Variants in PEAK1 observed in about 807,000 individuals in gnomAD.
PEAK1 encodes the protein inactive tyrosine-protein kinase PEAK1.
In PEAK1, 54 loss-of-function variants were observed where a neutral mutation model predicts 124.7. The observed-to-expected ratio is 0.43, with a 90% CI of 0.35 to 0.54. The LOEUF is 0.54. Ranked by LOEUF, PEAK1 falls within the 20% of genes least tolerant of loss-of-function variation. The pLI is 0.01. For missense variants in PEAK1, 2,046 were observed against 2,134.5 expected, an observed-to-expected ratio of 0.96 and a Z score of 0.82; for synonymous variants, 719 against 760.0, an observed-to-expected ratio of 0.95 and a Z score of 0.89.
Position 77,224,493 on chromosome 15 carries a change from G to A in PEAK1, c.-115+27874C>T, listed in dbSNP as rs147190635. ...GGGCTGATTTGTCTCTGACTTATCA[G>A]ATGGTTAAAGTCTGCCTTATTTGAG... On this transcript the variant is annotated intron_variant, in intron 6 of 9. Coordinates refer to ENST00000682557, the MANE Select transcript of PEAK1 (RefSeq NM_001385026.1). 4.2e-3 allele frequency among the ~76,000 whole-genome samples: 637 copies of A among 152,194 alleles called. 3 individuals are homozygous for A. The highest frequency in any genetic ancestry group is 0.014 in the African/African-American group (596 of 41,552).
chr15:77,354,102 C>T (rs2067358585), intron 2 of PEAK1, among the ~76,000 whole-genome samples: 1 of 152,140 alleles, frequency 6.6e-6, no homozygotes, highest in Non-Finnish European at 1.5e-5. Context: ...TTCAAGCCTC[C>T]ACCTCCCTCT....
chr15:77,328,849 C>T (rs2153028984), intron 2 of PEAK1, among the ~76,000 whole-genome samples: 1 of 152,250 alleles, frequency 6.6e-6, no homozygotes, highest in East Asian at 1.9e-4. Context: ...ACACATCCAT[C>T]CTGGATCACT....
chr15:77,144,106 C>G (rs886354794), intron 8 of PEAK1, among the ~76,000 whole-genome samples: 6 of 152,148 alleles, frequency 3.9e-5, no homozygotes, highest in Admixed American at 3.9e-4. Context: ...CTATCATCAT[C>G]AGCAGCTCTT....
In PEAK1 at chr15:77,114,640, T is replaced by C. The variant is rs1173654625; in HGVS notation, c.4757A>G (p.Gln1586Arg). The C allele has an allele frequency of 1.9e-6, 3 of 1,613,780 alleles. No individual in the cohort carries two copies. Among genetic ancestry groups the C allele is most frequent in the Non-Finnish European group, 2.5e-6 (3 of 1,179,958 alleles). Residue 1586 changes from glutamine (Q) to arginine (R), a missense_variant, in exon 10 of 10, where the codon CAG (glutamine) becomes CGG (arginine). Gln to Arg is a conservative substitution (Grantham distance 43). Coordinates refer to ENST00000682557, the MANE Select transcript of PEAK1 (RefSeq NM_001385026.1). The part of the protein sequence containing the change: ...RLAPEIITAT[Q>R]YKKCDEFQTG... ...CTGGAACTCATCACACTTTTTATAC[T>C]GGGTAGCTGTTATGATCTCTGGGGC...
intron 5 of PEAK1, among the ~76,000 whole-genome samples, chr15:77,276,116 A>G (rs532958299): frequency 7.2e-5 from 11 of 152,314 alleles, no homozygotes; most frequent in Admixed American, 4.6e-4. Flanking sequence ...TGAAACTATA[A>G]TAAAAGATGA....
At chr15:77,339,832 G>A (rs2066424631) in intron 2 of PEAK1, among the ~76,000 whole-genome samples, 1 of 152,210 alleles carries the variant, frequency 6.6e-6, no homozygotes, top group Non-Finnish European at 1.5e-5. Flanking sequence ...AAGTGGGCCA[G>A]TGATCTGAGC....
chr15:77,293,673 T>A (rs2063341671), intron 2 of PEAK1, among the ~76,000 whole-genome samples: 2 of 152,174 alleles, frequency 1.3e-5, no homozygotes, highest in Non-Finnish European at 2.9e-5. Context: ...AGAGAGAAAG[T>A]GCAAGAATGT....
intron 6 of PEAK1, among the ~76,000 whole-genome samples, chr15:77,189,150 G>T (rs193150750): frequency 1.3e-5 from 2 of 152,104 alleles, no homozygotes; most frequent in African/African-American, 4.8e-5. Context: ...GCAGTGAGCC[G>T]AGATCGCGCC....
At chr15:77,325,734 T>C (rs530203154) in intron 2 of PEAK1, among the ~76,000 whole-genome samples, 1 of 152,298 alleles carries the variant, frequency 6.6e-6, no homozygotes, top group East Asian at 1.9e-4. Flanking sequence ...TCAGCTGATA[T>C]ATTTAATGAT....
intron 2 of PEAK1, chr15:77,349,399 T>C (rs1490371024): frequency 1.0e-6 from 1 of 980,388 alleles, no homozygotes; most frequent in African/African-American, 1.8e-5. Context: ...CATGTTGTAT[T>C]TAAGAGAGTC....
At chr15:77,278,796 T>C in intron 5 of PEAK1, 1 of 369,996 alleles carries the variant, frequency 2.7e-6, no homozygotes, top group Non-Finnish European at 5.2e-6. Flanking sequence ...GAAATACTAT[T>C]TTTATCAAGT....
chr15:77,271,216 C>G (rs1465086883), intron 5 of PEAK1, among the ~76,000 whole-genome samples: 1 of 152,160 alleles, frequency 6.6e-6, no homozygotes, highest in East Asian at 1.9e-4. Flanking sequence ...AAACGCAAAA[C>G]TAAACCGCAA....
chr15:77,115,053 C>A lies in PEAK1; in HGVS notation c.4344G>T (p.Gln1448His). ...SEAASSQKENQGVMSKKQRSH... is the reference protein window; with the variant it reads ...SEAASSQKENHGVMSKKQRSH... The stretch of plus-strand genomic sequence containing the variant: ...TCCTCTGCTTCTTGCTCATGACTCC[C>A]TGATTCTCTTTCTGGGATGATGCTG... Residue 1448 changes from glutamine (Q) to histidine (H), a missense_variant, in exon 10 of 10, where the codon CAG becomes CAT. Gln to His is a conservative substitution (Grantham distance 24). Coordinates refer to ENST00000682557, the MANE Select transcript of PEAK1 (RefSeq NM_001385026.1). The A allele has an allele frequency of 6.2e-7, 1 of 1,614,142 alleles. No homozygotes were observed. The highest frequency in any genetic ancestry group is 8.5e-7 in the Non-Finnish European group (1 of 1,180,028).
intron 2 of PEAK1, among the ~76,000 whole-genome samples, chr15:77,296,098 T>G (rs966463679): frequency 2.0e-5 from 3 of 152,214 alleles, no homozygotes; most frequent in African/African-American, 7.2e-5. Flanking sequence ...CCCCTTATTT[T>G]CTTTCAATAA....
intron 2 of PEAK1, among the ~76,000 whole-genome samples, chr15:77,361,666 G>C (rs900043240): frequency 1.3e-5 from 2 of 152,148 alleles, no homozygotes; most frequent in African/African-American, 4.8e-5. Context: ...GAACAGCAAG[G>C]AGGTTCCTCA....
chr15:77,144,875 G>A (rs1312833407), intron 8 of PEAK1, among the ~76,000 whole-genome samples: 2 of 152,120 alleles, frequency 1.3e-5, no homozygotes, highest in African/African-American at 4.8e-5. Context: ...TATCTTAGCT[G>A]TTTTTATTTT....
rs772108522 is a variant in PEAK1 at position 77,133,670 on chromosome 15, C to T, written c.3412G>A (p.Gly1138Arg). ...TTGGGTGCTTCTTGGTCTGTTTTCC[C>T]TCCAAAGGCGATGGCATCGTCCACA... Reference protein sequence around the residue: ...GAVDDAIAFGGKTDQEAPNAS... With the variant: ...GAVDDAIAFGRKTDQEAPNAS... Residue 1138 changes from glycine (G) to arginine (R), a missense_variant, in exon 9 of 10, where the codon GGG becomes AGG. Physicochemically the swap from Gly to Arg is moderately radical, Grantham distance 125 (BLOSUM62 -2). Coordinates refer to ENST00000682557, the MANE Select transcript of PEAK1 (RefSeq NM_001385026.1). The surrounding 1 kb of genome is among the most constrained non-coding windows in gnomAD (Gnocchi z 4.2). The T allele has an allele frequency of 5.6e-6, 9 of 1,614,002 alleles. No individual in the cohort carries two copies. The South Asian group carries it at 9.9e-5, about 18-fold the overall frequency.
intron 7 of PEAK1, among the ~76,000 whole-genome samples, chr15:77,172,935 G>T (rs571130711): frequency 2.3e-4 from 35 of 152,234 alleles, no homozygotes; most frequent in African/African-American, 7.2e-4. Context: ...AAAATTTTTA[G>T]TAGAGACAAG....
chr15:77,138,415 C>A (rs1459690097), intron 8 of PEAK1, among the ~76,000 whole-genome samples: 1 of 152,110 alleles, frequency 6.6e-6, no homozygotes, highest in Non-Finnish European at 1.5e-5. Context: ...TTAGGCTATA[C>A]TAAATTTATT....
Sources: gnomAD v4.1 joint callset for allele counts (sites outside exome capture counted in the v4.1 genomes callset) on GRCh38, gnomAD v4.1.1 for gene constraint, Gnocchi (gnomAD v3.1) non-coding constraint, MANE v1.5 for transcripts, NCBI Gene and HGNC (gene_info 2026-07-23, HGNC 2026-07-21) for gene names.